CEP170: variants seen among roughly 807,000 people sequenced by gnomAD.
CEP170 encodes centrosomal protein of 170 kDa.
A neutral mutation model predicts 151.9 loss-of-function variants in CEP170; 21 were observed. The ratio of observed to expected loss-of-function variants is 0.14; its 90% CI spans 0.10 to 0.20. The LOEUF (loss-of-function observed/expected upper bound fraction) is 0.20. CEP170 is among the 10% of genes least tolerant of loss of function. The pLI is 1.00. For synonymous variants in CEP170, 356 were observed against 648.8 expected, an observed-to-expected ratio of 0.55 and a Z score of 6.86; for missense variants, 964 against 1,892.9, an observed-to-expected ratio of 0.51 and a Z score of 9.11.
At chr1:243,207,963 T>C (rs1420128525) in intron 4 of CEP170, among the ~76,000 whole-genome samples, 6 of 152,060 alleles carry the variant, frequency 3.9e-5, no homozygotes, top group Non-Finnish European at 8.8e-5. Context: ...ATGTGAAAAC[T>C]TGGTTAAGTC....
At chr1:243,166,794 T>C (rs547558996) in intron 12 of CEP170, among the ~76,000 whole-genome samples, 94 of 152,234 alleles carry the variant, frequency 6.2e-4, no homozygotes, top group South Asian at 1.0e-3. Context: ...GTGTATAACA[T>C]GATGTTTTGA....
At chr1:243,166,245 A>C in intron 12 of CEP170, 129 bp from the exon 13 acceptor site, 1 of 1,254,934 alleles carries the variant, frequency 8.0e-7, no homozygotes, top group Non-Finnish European at 1.1e-6. Context: ...CCAGGATACC[A>C]AATCCCAAGG....
chr1:243,177,562 T>C (rs1414519352), intron 10 of CEP170, among the ~76,000 whole-genome samples: 1 of 152,216 alleles, frequency 6.6e-6, no homozygotes, highest in Admixed American at 6.5e-5. Flanking sequence ...GGGTCTCTGT[T>C]GGATCAAATC....
rs557165265 is a variant in CEP170 at position 243,126,187 on chromosome 1, C to A, written c.*262G>T. ...AGGGAAAGGGTGTAATCATTAAATTCAATTTGAAAATCATAAAACCACAAA... is the reference window on the plus strand; with the variant it reads ...AGGGAAAGGGTGTAATCATTAAATTAAATTTGAAAATCATAAAACCACAAA... On this transcript the variant is annotated 3_prime_UTR_variant, in exon 20 of 20. Coordinates refer to ENST00000366542, the MANE Select transcript of CEP170 (RefSeq NM_014812.3). 5.2e-5 allele frequency: 29 copies of A among 553,810 alleles called. No homozygotes were observed. The highest frequency in any genetic ancestry group is 3.7e-4 in the South Asian group (24 of 65,374). 34.3% of individuals were successfully genotyped at this position (553,810 alleles called of 1,614,324 possible).
intron 16 of CEP170, among the ~76,000 whole-genome samples, chr1:243,136,651 C>T (rs1796845): frequency 0.038 from 5,849 of 152,308 alleles, 377 homozygotes; most frequent in African/African-American, 0.13. Context: ...AGAGTACAAT[C>T]CTTGTTCTCC....
In CEP170 at chr1:243,225,288, T is replaced by G. The variant is rs751348212; in HGVS notation, c.-8A>C. On this transcript the variant is annotated 5_prime_UTR_variant, in exon 2 of 20. Transcript: ENST00000366542. ...CCAGGATGTTAAGCTCATTTTCTGCTTAGCTTCTAAGTCTTTGGCAAAGCT... is the reference window on the plus strand; with the variant it reads ...CCAGGATGTTAAGCTCATTTTCTGCGTAGCTTCTAAGTCTTTGGCAAAGCT... 1 of 1,572,864 alleles carries G rather than the reference T, an allele frequency of 6.4e-7. No homozygotes were observed. Among genetic ancestry groups the G allele is most frequent in the Non-Finnish European group, 8.6e-7 (1 of 1,158,018 alleles).
chr1:243,242,927 C>G (rs893542415), intron 1 of CEP170, among the ~76,000 whole-genome samples: 1 of 152,292 alleles, frequency 6.6e-6, no homozygotes. Context: ...CTCCAACTCC[C>G]GACCTCCGGT....
intron 11 of CEP170, among the ~76,000 whole-genome samples, chr1:243,171,089 AGG>A (rs1168781531): frequency 6.6e-6 from 1 of 152,240 alleles, no homozygotes; most frequent in Non-Finnish European, 1.5e-5. Context: ...TTTGCTTGGC[AGG>A]GGTTGAAGGA....
chr1:243,164,137 C>G (rs2058276028), intron 13 of CEP170, 147 bp downstream of exon 13: 4 of 1,037,626 alleles, frequency 3.9e-6, no homozygotes, highest in South Asian at 9.4e-5. Context: ...ATAGACCCCC[C>G]ACCGCCGCTG....
In CEP170 at chr1:243,126,502, A is replaced by T; in HGVS notation, c.4702T>A (p.Phe1568Ile). The T allele has an allele frequency of 6.2e-7, 1 of 1,609,378 alleles. No individual in the cohort carries two copies. The highest frequency in any genetic ancestry group is 1.7e-5 in the Admixed American group (1 of 59,380). Residue 1568 changes from phenylalanine (F) to isoleucine (I), a missense_variant, in exon 20 of 20, where the codon TTC (phenylalanine) becomes ATC (isoleucine). Transcript: ENST00000366542. ...TCCCCATCGGGGTTGAATCTATTGA[A>T]ATGTATACTGAAATCAGCCTCAGAT... is the stretch of plus-strand genomic sequence containing the variant. The part of the protein sequence containing the change: ...AESEADFSIH[F>I]NRFNPDGEEE...
chr1:243,250,826 C>T (rs968778169), intron 1 of CEP170, among the ~76,000 whole-genome samples: 5 of 152,064 alleles, frequency 3.3e-5, no homozygotes, highest in African/African-American at 4.8e-5. Context: ...AGAGTTGATA[C>T]AATTTTAGAC....
At chr1:243,223,418 A>T (rs1465709803) in intron 2 of CEP170, among the ~76,000 whole-genome samples, 5 of 152,232 alleles carry the variant, frequency 3.3e-5, no homozygotes, top group African/African-American at 1.2e-4. Context: ...GTGGCTTTCG[A>T]AGGAGTGTGA....
At chr1:243,238,020 AT>A (rs2064414748) in intron 1 of CEP170, among the ~76,000 whole-genome samples, 1 of 152,208 alleles carries the variant, frequency 6.6e-6, no homozygotes. Flanking sequence ...CTGTTCTTTC[AT>A]ATACTGTAAT....
intron 14 of CEP170, among the ~76,000 whole-genome samples, chr1:243,145,573 A>C (rs918363796): frequency 1.3e-5 from 2 of 152,210 alleles, no homozygotes; most frequent in Admixed American, 6.5e-5. Flanking sequence ...ACGCCCAGCC[A>C]AAAATTTGCC....
At chr1:243,151,111 G>A (rs1292305134) in intron 14 of CEP170, among the ~76,000 whole-genome samples, 1 of 152,234 alleles carries the variant, frequency 6.6e-6, no homozygotes, top group African/African-American at 2.4e-5. Flanking sequence ...CTTTACGAAT[G>A]ACTACAACGA....
chr1:243,211,824 C>G (rs766899569), intron 4 of CEP170, 62 bp downstream of exon 4: 1 of 1,544,540 alleles, frequency 6.5e-7, no homozygotes, highest in Non-Finnish European at 8.8e-7. Flanking sequence ...AAAATGTTAA[C>G]TTAAACCAGA....
At chr1:243,240,009 A>G (rs2064664002) in intron 1 of CEP170, among the ~76,000 whole-genome samples, 1 of 152,182 alleles carries the variant, frequency 6.6e-6, no homozygotes, top group Non-Finnish European at 1.5e-5. Flanking sequence ...ATTCACTGGG[A>G]ATTTTCTGAT....
At chr1:243,148,881 C>T (rs2056795776) in intron 14 of CEP170, among the ~76,000 whole-genome samples, 1 of 151,978 alleles carries the variant, frequency 6.6e-6, no homozygotes, top group Admixed American at 6.6e-5. Context: ...ATTTGGCAAA[C>T]CCCATTCTTT....
At chr1:243,158,285 A>G (rs2057744049) in intron 13 of CEP170, among the ~76,000 whole-genome samples, 1 of 152,224 alleles carries the variant, frequency 6.6e-6, no homozygotes, top group Non-Finnish European at 1.5e-5. Flanking sequence ...GCTATCTTAC[A>G]ATAGTGTTCA....
Sources: gnomAD v4.1 joint callset for allele counts (sites outside exome capture counted in the v4.1 genomes callset) on GRCh38, gnomAD v4.1.1 for gene constraint, MANE v1.5 for transcripts, NCBI Gene and HGNC (gene_info 2026-07-23, HGNC 2026-07-21) for gene names.